ADRA1B: variants seen among roughly 807,000 people sequenced by gnomAD.
The protein encoded by ADRA1B is alpha-1B adrenergic receptor.
A neutral mutation model predicts 17.9 loss-of-function variants in ADRA1B; 17 were observed. The observed-to-expected ratio is 0.95, with a 90% confidence interval of 0.65 to 1.42. ADRA1B has a LOEUF of 1.42. ADRA1B is among the 40% of genes most tolerant of loss of function. The pLI, the probability that ADRA1B is intolerant of heterozygous loss-of-function variation, is 0.00. For synonymous variants in ADRA1B, 366 were observed against 327.6 expected, an observed-to-expected ratio of 1.12 and a Z score of -1.27; for missense variants, 681 against 722.1, an observed-to-expected ratio of 0.94 and a Z score of 0.65.
intron 1 of ADRA1B, among the ~76,000 whole-genome samples, chr5:159,968,239 G>A (rs534933070): frequency 3.2e-4 from 49 of 152,216 alleles, no homozygotes; most frequent in African/African-American, 1.2e-3. Context: ...TTCCTCACTG[G>A]TACCTTCCGA....
Position 159,917,292 on chromosome 5 carries a change from C to T in ADRA1B, c.387C>T (p.Cys129=). 2 of 1,614,092 alleles carry T rather than the reference C, an allele frequency of 1.2e-6. No individual in the cohort carries two copies. The highest frequency in any genetic ancestry group is 2.2e-5 in the East Asian group (1 of 44,864). Residue 129 remains cysteine, a synonymous_variant, in exon 1 of 2, where the codon TGC becomes TGT. Coordinates refer to ENST00000306675, the MANE Select transcript of ADRA1B (RefSeq NM_000679.4). ...GGGCAGCCGTGGATGTCCTGTGCTG[C>T]ACAGCGTCCATTCTGAGCCTGTGCG... ...DIWAAVDVLC[C]TASILSLCAI...
In ADRA1B at chr5:159,911,429, G is replaced by A. The variant is rs1163652874; in HGVS notation, c.-255-4690G>A. On this transcript the variant is annotated intron_variant, in intron 1 of 2. Transcript: ENST00000641205. The stretch of plus-strand genomic sequence containing the variant: ...CCTGTGCCTTCACACCCCAGCCCCC[G>A]CCTCACTCCCCAGCTCCCAGGCTCT... Among the ~76,000 whole-genome samples, 5 of 152,094 alleles carry A rather than the reference G, an allele frequency of 3.3e-5. No individual in the cohort carries two copies. The South Asian group carries it at 8.3e-4, about 25-fold the overall frequency.
In ADRA1B at chr5:159,972,093, C is replaced by G. The variant is rs1755882664; in HGVS notation, c.1164C>G (p.Tyr388Ter). ...RRRLGGCAYTYRPWTRGGSLE... is the reference protein window; with the variant it reads ...RRRLGGCAYT ...GCCTGGGCGGCTGCGCCTACACCTA[C>G]CGGCCGTGGACGCGCGGCGGCTCGC... Residue 388 changes from tyrosine to a stop codon, truncating the protein, a stop_gained, in exon 2 of 2, where the codon TAC (tyrosine) becomes TAG (stop). Coordinates refer to ENST00000306675, the MANE Select transcript of ADRA1B (RefSeq NM_000679.4). LOFTEE classifies it low-confidence loss of function (END_TRUNC). The G allele has an allele frequency of 3.1e-6, 4 of 1,294,716 alleles. No individual in the cohort carries two copies. Among genetic ancestry groups the G allele is most frequent in the Non-Finnish European group, 3.9e-6 (4 of 1,016,984 alleles). The allele number at this position is 1,294,716 out of a possible 1,614,324, so 80.2% of individuals were successfully genotyped here.
intron 1 of ADRA1B, among the ~76,000 whole-genome samples, chr5:159,899,240 G>GAGGAAGGAAGGAAGGAAGGAAGGAAGGA (rs1296220766): frequency 9.5e-6 from 1 of 105,428 alleles, no homozygotes; most frequent in African/African-American, 4.1e-5. Flanking sequence ...AGGAGGGAGG[G>GAGGAAGGAAGGAAGGAAGGAAGGAAGGA]AGGAAGGAAG....
In ADRA1B at chr5:159,882,720, C is replaced by T. The variant is rs78367411; in HGVS notation, c.-256+17514C>T. Among the ~76,000 whole-genome samples the T allele has an allele frequency of 7.2e-5, 11 of 151,914 alleles. No homozygotes were observed. The East Asian group carries it at 1.2e-3, about 16-fold the overall frequency. ...CCAAGCTGCAGAACAGGGATGAACT[C>T]GTGGCTTCAGGGCTCAAGCTCTCTA... On this transcript the variant is annotated intron_variant, in intron 1 of 2. Coordinates refer to the ADRA1B transcript ENST00000641205.
chr5:159,926,622 C>T (rs1277736760), intron 1 of ADRA1B, among the ~76,000 whole-genome samples: 1 of 152,136 alleles, frequency 6.6e-6, no homozygotes, highest in African/African-American at 2.4e-5. Flanking sequence ...CATGGTGGCT[C>T]AAACCTGTAA....
chr5:159,865,363 C>T (rs936792599), intron 1 of ADRA1B, among the ~76,000 whole-genome samples: 1 of 151,206 alleles, frequency 6.6e-6, no homozygotes, highest in Non-Finnish European at 1.5e-5. Context: ...ATTCATGGTG[C>T]TTTGGGGAAA....
At chr5:159,940,728 A>C (rs529217344) in intron 1 of ADRA1B, among the ~76,000 whole-genome samples, 1 of 152,272 alleles carries the variant, frequency 6.6e-6, no homozygotes, top group African/African-American at 2.4e-5. Flanking sequence ...ACTTACACAT[A>C]CACACACACT....
chr5:159,944,539 G>A (rs184136529), intron 1 of ADRA1B, among the ~76,000 whole-genome samples: 53 of 152,342 alleles, frequency 3.5e-4, no homozygotes, highest in Non-Finnish European at 1.5e-5. Flanking sequence ...TTTTGTCAAA[G>A]GGCCACTAAT....
At chr5:159,984,193 G>A in the ADRA1B span, among the ~76,000 whole-genome samples, 47 of 151,982 alleles carry the variant, frequency 3.1e-4, no homozygotes, top group Admixed American at 2.5e-3. Context: ...TTCACTCCCT[G>A]GTTACCTCCT....
intron 1 of ADRA1B, among the ~76,000 whole-genome samples, chr5:159,963,940 G>C (rs1035163334): frequency 6.6e-6 from 1 of 152,052 alleles, no homozygotes; most frequent in Non-Finnish European, 1.5e-5. Flanking sequence ...GTGGGCTCAC[G>C]GCAACATCTG....
At chr5:159,935,789 C>T (rs564860038) in intron 1 of ADRA1B, among the ~76,000 whole-genome samples, 1 of 152,330 alleles carries the variant, frequency 6.6e-6, no homozygotes, top group South Asian at 2.1e-4. Flanking sequence ...TCAAGTGATC[C>T]GCTCGCCTCA....
At chr5:159,886,419 C>G (rs919376124) in intron 1 of ADRA1B, among the ~76,000 whole-genome samples, 1 of 152,270 alleles carries the variant, frequency 6.6e-6, no homozygotes, top group Middle Eastern at 3.4e-3. Context: ...ATGAGGAGTT[C>G]TCACCAGCAA....
At chr5:159,966,044 G>C (rs903157858) in intron 1 of ADRA1B, among the ~76,000 whole-genome samples, 5 of 152,066 alleles carry the variant, frequency 3.3e-5, no homozygotes, top group African/African-American at 1.2e-4. Flanking sequence ...CAAAGTGCTG[G>C]ATTACAGGTG....
intron 1 of ADRA1B, among the ~76,000 whole-genome samples, chr5:159,971,012 G>A (rs750231201): frequency 2.6e-5 from 4 of 152,058 alleles, no homozygotes; most frequent in African/African-American, 4.8e-5. Context: ...GTACTGCCCC[G>A]GCTGGTCTCA....
intron 1 of ADRA1B, among the ~76,000 whole-genome samples, chr5:159,918,762 A>C (rs968509009): frequency 3.3e-5 from 5 of 152,222 alleles, no homozygotes; most frequent in Non-Finnish European, 1.5e-5. Flanking sequence ...TCTGGTTAGC[A>C]GGTAAACCTA....
At chr5:159,894,211 G>C (rs1359884281) in intron 1 of ADRA1B, among the ~76,000 whole-genome samples, 1 of 152,248 alleles carries the variant, frequency 6.6e-6, no homozygotes, top group East Asian at 1.9e-4. Context: ...TTCTGGTCTA[G>C]GCCTGAGGCT....
At chr5:159,903,190 G>A (rs576848002) in intron 1 of ADRA1B, among the ~76,000 whole-genome samples, 1 of 152,246 alleles carries the variant, frequency 6.6e-6, no homozygotes, top group African/African-American at 2.4e-5. Flanking sequence ...GCCCTGAAAA[G>A]CATCAAGGTT....
intron 1 of ADRA1B, among the ~76,000 whole-genome samples, chr5:159,928,792 A>G (rs1754726076): frequency 6.6e-6 from 1 of 152,206 alleles, no homozygotes. Flanking sequence ...CGCAGGCGTC[A>G]GCCCCAGGGC....
Sources: allele counts gnomAD v4.1 joint callset (sites outside exome capture counted in the v4.1 genomes callset), GRCh38; gene constraint gnomAD v4.1.1; transcripts MANE v1.5; gene names NCBI Gene and HGNC (gene_info 2026-07-23, HGNC 2026-07-21).